Variants in MEX3D observed in about 807,000 individuals in gnomAD.
The protein encoded by MEX3D is RNA-binding protein MEX3D.
In MEX3D, 4 loss-of-function variants were observed where a neutral mutation model predicts 6.3. The observed-to-expected ratio is 0.64, with a 90% CI of 0.31 to 1.46. The LOEUF (loss-of-function observed/expected upper bound fraction) is 1.46. MEX3D is among the 40% of genes most tolerant of loss of function. The pLI is 0.07. For synonymous variants in MEX3D, 626 were observed against 494.1 expected (o/e 1.27, Z -3.54); for missense variants, 1,038 against 994.4 (o/e 1.04, Z -0.59).
chr19:1,556,227 C>T lies in MEX3D; in HGVS notation c.1292G>A (p.Gly431Asp). ...ASPYSGSGNG[G>D]FAFGAEGPGA... Reference sequence around the variant, plus strand: ...GGGACCCTCCGCGCCGAAGGCGAAGCCCCCGTTGCCGGAGCCGCTGTAGGG... The same window carrying T: ...GGGACCCTCCGCGCCGAAGGCGAAGTCCCCGTTGCCGGAGCCGCTGTAGGG... Residue 431 changes from glycine (G) to aspartate (D), a missense_variant, in exon 2 of 2, where the codon GGC becomes GAC. Physicochemically the swap from Gly to Asp is moderately conservative, Grantham distance 94. Coordinates refer to ENST00000402693, the MANE Select transcript of MEX3D (RefSeq NM_203304.4). The surrounding 1 kb of genome is among the most constrained non-coding windows in gnomAD (Gnocchi z 7.5). 1 of 1,405,438 alleles carries T rather than the reference C, an allele frequency of 7.1e-7. No homozygotes were observed. The highest frequency in any genetic ancestry group is 9.2e-7 in the Non-Finnish European group (1 of 1,081,164). The allele number at this position is 1,405,438 out of a possible 1,614,324, so 87.1% of individuals were successfully genotyped here. A position where few individuals can be genotyped will look rare whatever the true frequency, so the allele number is the denominator to read the frequency against.
Position 1,556,768 on chromosome 19 carries a change from G to T in MEX3D, c.751C>A (p.Arg251Ser). Residue 251 changes from arginine (R) to serine (S), a missense_variant, in exon 2 of 2, where the codon CGC becomes AGC. Arg to Ser is a moderately radical substitution (Grantham distance 110). This residue lies in a region of MEX3D where 52 missense variants were observed against 37.4 expected (regional missense o/e 1.39). Coordinates refer to ENST00000402693, the MANE Select transcript of MEX3D (RefSeq NM_203304.4). This position sits in a 1 kb window ranked among gnomAD's most constrained non-coding sequence, Gnocchi z 7.5. ...CCCCCGGCCTTGCTGCGCGTGGCGC[G>T]GATGATGGAGAAGTGTTCGGCCGCC... ...LSAAEHFSII[R>S]ATRSKAGGLP... is the part of the protein sequence containing the mutation. 6.2e-7 allele frequency: 1 copy of T among 1,612,486 alleles called. No individual in the cohort carries two copies. Among genetic ancestry groups the T allele is most frequent in the Non-Finnish European group, 8.5e-7 (1 of 1,179,754 alleles).
chr19:1,559,774 C>G (rs559343801), intron 1 of MEX3D, among the ~76,000 whole-genome samples: 1 of 152,164 alleles, frequency 6.6e-6, no homozygotes, highest in East Asian at 1.9e-4. Flanking sequence ...AGATGGAAGG[C>G]GTGGGACCTG....
At chr19:1,557,857 T>A (rs1599323860) in intron 1 of MEX3D, among the ~76,000 whole-genome samples, 1 of 6,796 alleles carries the variant, frequency 1.5e-4, no homozygotes, top group South Asian at 6.2e-3. Flanking sequence ...CGAGACTGTC[T>A]CAAAAAAAAA....
Position 1,567,526 on chromosome 19 carries a change from T to C in MEX3D, c.533A>G (p.Asn178Ser), listed in dbSNP as rs1914873256. 1.9e-6 allele frequency: 3 copies of C among 1,565,564 alleles called. No homozygotes were observed. Among genetic ancestry groups the C allele is most frequent in the Non-Finnish European group, 2.6e-6 (3 of 1,157,912 alleles). ...GGGCACCGGGACGCACTCGGTCATG[T>C]TGACGCTTTTCTTGCGGCTGCCGAT... ...SVIGSRKKSV[N>S]MTECVPVPSS... Residue 178 changes from asparagine to serine, a missense_variant, in exon 1 of 2, where the codon AAC becomes AGC. By Grantham distance (46) the Asn-to-Ser change is conservative. Around this residue, in one of 5 missense-constraint regions of MEX3D, gnomAD observed 75 missense variants for 125.1 expected, o/e 0.60. Transcript: ENST00000402693. This position sits in a 1 kb window ranked among gnomAD's most constrained non-coding sequence, Gnocchi z 6.5.
Position 1,555,914 on chromosome 19 carries a change from C to T in MEX3D, c.1605G>A (p.Pro535=), listed in dbSNP as rs143324789. The change falls in exon 2 of 2, where the codon CCG becomes CCA. Residue 535 remains proline (P), a synonymous_variant. Transcript: ENST00000402693. The part of the protein sequence containing the change: ...LELPLSRRGA[P]DPVGALSWRP... ...GCCAGGACAGCGCGCCCACCGGGTC[C>T]GGGGCGCCACGGCGAGACAGCGGGA... 14 of 1,203,036 alleles carry T rather than the reference C, an allele frequency of 1.2e-5. No individual in the cohort carries two copies. Among genetic ancestry groups the T allele is most frequent in the African/African-American group, 9.7e-5 (6 of 61,826 alleles). The allele number at this position is 1,203,036 out of a possible 1,614,324, so 74.5% of individuals were successfully genotyped here. A position where few individuals can be genotyped will look rare whatever the true frequency, so the allele number is the denominator to read the frequency against.
Position 1,568,140 on chromosome 19 carries a change from G to A in MEX3D, c.-82C>T, listed in dbSNP as rs1914904516. 1 of 976,076 alleles carries A rather than the reference G, an allele frequency of 1.0e-6. No homozygotes were observed. The highest frequency in any genetic ancestry group is 1.8e-5 in the African/African-American group (1 of 55,758). The allele number at this position is 976,076 out of a possible 1,614,324, so 60.5% of individuals were successfully genotyped here. A position where few individuals can be genotyped will look rare whatever the true frequency, so the allele number is the denominator to read the frequency against. ...GCGCCGCCCTCCGCCTCTGCGAGCT[G>A]GGCCGCCGGCCGCCTGCATCCAGCG... On this transcript the variant is annotated 5_prime_UTR_variant, in exon 1 of 2. Coordinates refer to ENST00000402693, the MANE Select transcript of MEX3D (RefSeq NM_203304.4).
chr19:1,555,410 C>CACTGTAA lies in MEX3D; in HGVS notation c.*152_*153insTTACAGT. The stretch of plus-strand genomic sequence containing the variant: ...CACGCCTGAGGCGGCAGTTAAAGCT[C>CACTGTAA]ATCTGTAAACACTGGCCGCCGCCCA... On this transcript the variant is annotated 3_prime_UTR_variant, in exon 2 of 2. Transcript: ENST00000402693. 2 of 1,599,246 alleles carry CACTGTAA rather than the reference C, an allele frequency of 1.3e-6. No individual in the cohort carries two copies. Among genetic ancestry groups the CACTGTAA allele is most frequent in the South Asian group, 2.2e-5 (2 of 89,888 alleles).
chr19:1,563,514 T>C (rs75158090), intron 1 of MEX3D, among the ~76,000 whole-genome samples: 394 of 152,314 alleles, frequency 2.6e-3, no homozygotes, highest in African/African-American at 8.8e-3. Context: ...CCCTGGTTCC[T>C]GTCCCTGGGA....
In MEX3D at chr19:1,556,384, G is replaced by T. The variant is rs1268766106; in HGVS notation, c.1135C>A (p.Gln379Lys). The change falls in exon 2 of 2, where the codon CAG becomes AAG. Residue 379 changes from glutamine (Q) to lysine (K), a missense_variant. This residue lies in a region of MEX3D where 581 missense variants were observed against 516.2 expected (regional missense o/e 1.13). Coordinates refer to ENST00000402693, the MANE Select transcript of MEX3D (RefSeq NM_203304.4). This position sits in a 1 kb window ranked among gnomAD's most constrained non-coding sequence, Gnocchi z 7.5. ...GTGGCCGTGGGGGGCCGTCGTCCCT[G>T]GTTGGGGGTCTTGGCCCAGAGGCTG... ...AASLWAKTPNQGRRPPTATAG... is the reference protein window; with the variant it reads ...AASLWAKTPNKGRRPPTATAG... The T allele has an allele frequency of 6.5e-7, 1 of 1,542,364 alleles. No homozygotes were observed. The highest frequency in any genetic ancestry group is 1.4e-5 in the African/African-American group (1 of 70,822).
chr19:1,568,065 A>G lies in MEX3D; in HGVS notation c.-7T>C. 7 of 971,628 alleles carry G rather than the reference A, an allele frequency of 7.2e-6. No homozygotes were observed. The highest frequency in any genetic ancestry group is 8.5e-6 in the Non-Finnish European group (7 of 826,064). The allele number at this position is 971,628 out of a possible 1,614,324, so 60.2% of individuals were successfully genotyped here. On this transcript the variant is annotated 5_prime_UTR_variant, in exon 1 of 2. Coordinates refer to ENST00000402693, the MANE Select transcript of MEX3D (RefSeq NM_203304.4). Reference sequence around the variant, plus strand: ...GGCCGAGCGAGCTGGGCATGGCGGGAGCTAGCGCTGGGGCCCGCGCTCCTG... The same window carrying G: ...GGCCGAGCGAGCTGGGCATGGCGGGGGCTAGCGCTGGGGCCCGCGCTCCTG...
Position 1,556,254 on chromosome 19 carries a change from C to T in MEX3D, c.1265G>A (p.Ser422Asn), listed in dbSNP as rs1244920753. 5 of 1,350,764 alleles carry T rather than the reference C, an allele frequency of 3.7e-6. No homozygotes were observed. Among genetic ancestry groups the T allele is most frequent in the East Asian group, 7.2e-5 (2 of 27,668 alleles). The allele number at this position is 1,350,764 out of a possible 1,614,324, so 83.7% of individuals were successfully genotyped here. Residue 422 changes from serine (S) to asparagine (N), a missense_variant, in exon 2 of 2, where the codon AGC (serine) becomes AAC (asparagine). Around this residue, in one of 5 missense-constraint regions of MEX3D, gnomAD observed 581 missense variants for 516.2 expected, o/e 1.13. Transcript: ENST00000402693. This position sits in a 1 kb window ranked among gnomAD's most constrained non-coding sequence, Gnocchi z 7.5. ...CCCGTTGCCGGAGCCGCTGTAGGGG[C>T]TGGCGGGGCCTGGGTCCGGCACGGA... ...GPSVPDPGPA[S>N]PYSGSGNGGF...
At position 1,556,468 on chromosome 19, in the gene MEX3D, C is replaced by A; in HGVS notation, c.1051G>T (p.Asp351Tyr). ...RTGAFTDAGP[D>Y]SDFHANGTDV... ...GTGCCGTTGGCGTGGAAGTCGCTGT[C>A]GGGGCCCGCGTCGGTGAAGGCGCCA... Residue 351 changes from aspartate (D) to tyrosine (Y), a missense_variant, in exon 2 of 2, where the codon GAC (aspartate) becomes TAC (tyrosine). By Grantham distance (160) the Asp-to-Tyr change is radical. Around this residue, in one of 5 missense-constraint regions of MEX3D, gnomAD observed 581 missense variants for 516.2 expected, o/e 1.13. Coordinates refer to ENST00000402693, the MANE Select transcript of MEX3D (RefSeq NM_203304.4). This position sits in a 1 kb window ranked among gnomAD's most constrained non-coding sequence, Gnocchi z 7.5. 2 of 1,600,644 alleles carry A rather than the reference C, an allele frequency of 1.2e-6. No homozygotes were observed. Among genetic ancestry groups the A allele is most frequent in the Non-Finnish European group, 1.7e-6 (2 of 1,177,784 alleles).
chr19:1,555,910 G>T lies in MEX3D; in HGVS notation c.1609C>A (p.Pro537Thr), dbSNP rs1213901716. ...GGTCGCCAGGACAGCGCGCCCACCGGGTCCGGGGCGCCACGGCGAGACAGC... is the reference window on the plus strand; with the variant it reads ...GGTCGCCAGGACAGCGCGCCCACCGTGTCCGGGGCGCCACGGCGAGACAGC... ...LPLSRRGAPD[P>T]VGALSWRPPQ... Residue 537 changes from proline (P) to threonine (T), a missense_variant, in exon 2 of 2, where the codon CCG becomes ACG. Coordinates refer to ENST00000402693, the MANE Select transcript of MEX3D (RefSeq NM_203304.4). The T allele has an allele frequency of 1.7e-5, 21 of 1,209,394 alleles. No homozygotes were observed. Among genetic ancestry groups the T allele is most frequent in the Non-Finnish European group, 1.6e-5 (16 of 973,404 alleles). 74.9% of individuals were successfully genotyped at this position (1,209,394 alleles called of 1,614,324 possible). A position where few individuals can be genotyped will look rare whatever the true frequency, so the allele number is the denominator to read the frequency against.
In MEX3D at chr19:1,557,004, G is replaced by A. The variant is rs552007680; in HGVS notation, c.596-81C>T. ...CCCCGCTGGGCATGCAGGCTGCAGG[G>A]CCAGTGAGGGAGCCCCTACCTCCCA... On this transcript the variant is annotated intron_variant, in intron 1 of 1. Transcript: ENST00000402693. The A allele has an allele frequency of 2.7e-6, 4 of 1,475,248 alleles. No homozygotes were observed. The Admixed American group carries it at 8.8e-5, about 33-fold the overall frequency. 91.4% of individuals were successfully genotyped at this position (1,475,248 alleles called of 1,614,324 possible).
Position 1,556,166 on chromosome 19 carries a change from G to C in MEX3D, c.1353C>G (p.Cys451Trp). 1 of 1,470,508 alleles carries C rather than the reference G, an allele frequency of 6.8e-7. No homozygotes were observed. Among genetic ancestry groups the C allele is most frequent in the Non-Finnish European group, 9.0e-7 (1 of 1,111,362 alleles). 91.1% of individuals were successfully genotyped at this position (1,470,508 alleles called of 1,614,324 possible). Residue 451 changes from cysteine to tryptophan, a missense_variant, in exon 2 of 2, where the codon TGC becomes TGG. Physicochemically the swap from Cys to Trp is radical, Grantham distance 215. Transcript: ENST00000402693. This position sits in a 1 kb window ranked among gnomAD's most constrained non-coding sequence, Gnocchi z 7.5. ...APVGTAAPDDCDFGFDFDFLA... is the reference protein window; with the variant it reads ...APVGTAAPDDWDFGFDFDFLA... ...GGAAGTCGAAGTCGAAGCCGAAGTC[G>C]CAGTCGTCGGGGGCGGCCGTCCCCA...
Position 1,567,953 on chromosome 19 carries a change from G to A in MEX3D, c.106C>T (p.Pro36Ser), listed in dbSNP as rs1750681069. 1.4e-5 allele frequency: 14 copies of A among 978,326 alleles called. No homozygotes were observed. Among genetic ancestry groups the A allele is most frequent in the Non-Finnish European group, 1.7e-5 (14 of 827,010 alleles). The allele number at this position is 978,326 out of a possible 1,614,324, so 60.6% of individuals were successfully genotyped here. A position where few individuals can be genotyped will look rare whatever the true frequency, so the allele number is the denominator to read the frequency against. The change falls in exon 1 of 2, where the codon CCC becomes TCC. Residue 36 changes from proline (P) to serine (S), a missense_variant. Around this residue, in one of 5 missense-constraint regions of MEX3D, gnomAD observed 265 missense variants for 206.3 expected, o/e 1.28. Transcript: ENST00000402693. This position sits in a 1 kb window ranked among gnomAD's most constrained non-coding sequence, Gnocchi z 6.5. ...EDPGPGPAPP[P>S]EGAQEAAPAP... is the part of the protein sequence containing the mutation. ...GGCGCGGCCTCCTGGGCGCCCTCGG[G>A]CGGGGGCGCAGGTCCGGGTCCGGGG...
Position 1,556,087 on chromosome 19 carries a change from G to T in MEX3D, c.1432C>A (p.Arg478Ser). The change falls in exon 2 of 2, where the codon CGC becomes AGC. Residue 478 changes from arginine (R) to serine (S), a missense_variant. Arg to Ser is a moderately radical substitution (Grantham distance 110). This residue lies in a region of MEX3D where 581 missense variants were observed against 516.2 expected (regional missense o/e 1.13). Coordinates refer to ENST00000402693, the MANE Select transcript of MEX3D (RefSeq NM_203304.4). This position sits in a 1 kb window ranked among gnomAD's most constrained non-coding sequence, Gnocchi z 7.5. ...AAATIWAPFE[R>S]AAPLPAFSGC... ...CTGAAGGCGGGCAAGGGGGCGGCGC[G>T]CTCAAAAGGCGCCCAGATGGTGGCC... The T allele has an allele frequency of 1.4e-6, 2 of 1,435,526 alleles. No individual in the cohort carries two copies. 88.9% of individuals were successfully genotyped at this position (1,435,526 alleles called of 1,614,324 possible).
chr19:1,555,920 G>A lies in MEX3D; in HGVS notation c.1599C>T (p.Gly533=), dbSNP rs1599321586. The change falls in exon 2 of 2, where the codon GGC becomes GGT. Residue 533 remains glycine (G), a synonymous_variant. Transcript: ENST00000402693. ...ACAGCGCGCCCACCGGGTCCGGGGC[G>A]CCACGGCGAGACAGCGGGAGCTCCA... ...LRLELPLSRR[G]APDPVGALSW... is the part of the protein sequence containing the mutation. 1.7e-6 allele frequency: 2 copies of A among 1,199,416 alleles called. No individual in the cohort carries two copies. The highest frequency in any genetic ancestry group is 2.1e-6 in the Non-Finnish European group (2 of 967,106). 74.3% of individuals were successfully genotyped at this position (1,199,416 alleles called of 1,614,324 possible).
intron 1 of MEX3D, among the ~76,000 whole-genome samples, chr19:1,557,643 G>A (rs1030502098): frequency 2.0e-5 from 3 of 149,824 alleles, no homozygotes; most frequent in Non-Finnish European, 3.0e-5. Context: ...GGTGGATCAC[G>A]AGGTCAGGGG....
Sources: allele counts gnomAD v4.1 joint callset (sites outside exome capture counted in the v4.1 genomes callset), GRCh38; gene constraint gnomAD v4.1.1; regional missense constraint gnomAD v4.1.1; non-coding constraint Gnocchi (gnomAD v3.1); transcripts MANE v1.5; gene names NCBI Gene and HGNC (gene_info 2026-07-23, HGNC 2026-07-21).